The following FER variants were observed in gnomAD, a reference collection of about 807,000 sequenced individuals.
The protein encoded by FER is FER tyrosine kinase, also known as tyrosine-protein kinase Fer.
In FER, 63 loss-of-function variants were observed where a neutral mutation model predicts 111.0. The ratio of observed to expected loss-of-function variants is 0.57; its 90% CI spans 0.46 to 0.70. The LOEUF (loss-of-function observed/expected upper bound fraction) is 0.70. Ranked by LOEUF, FER falls within the 30% of genes least tolerant of loss-of-function variation. The pLI is 0.00. For synonymous variants in FER, 327 were observed against 313.9 expected (o/e 1.04, Z -0.44); for missense variants, 914 against 954.0 (o/e 0.96, Z 0.55).
intron 1 of FER, among the ~76,000 whole-genome samples, chr5:108,760,834 A>T (rs185295830): frequency 3.9e-4 from 59 of 152,236 alleles, no homozygotes; most frequent in African/African-American, 1.4e-3. Flanking sequence ...TTGCGTGTTC[A>T]CTGGAGGAGC....
At chr5:108,886,187 T>A (rs965519337) in intron 9 of FER, among the ~76,000 whole-genome samples, 2 of 151,744 alleles carry the variant, frequency 1.3e-5, no homozygotes, top group South Asian at 2.1e-4. Context: ...GTTATGAGAT[T>A]ATTTGAATTT....
chr5:108,901,875 G>T (rs552676335), intron 10 of FER, among the ~76,000 whole-genome samples: 172 of 152,274 alleles, frequency 1.1e-3, no homozygotes, highest in African/African-American at 3.8e-3. Flanking sequence ...TGTTTAAGGT[G>T]TGTAGTTTGA....
intron 17 of FER, 48 bp downstream of exon 17, chr5:109,100,567 C>G (rs1748101594): frequency 6.5e-7 from 1 of 1,537,798 alleles, no homozygotes; most frequent in South Asian, 1.2e-5. Flanking sequence ...TAATAGAATG[C>G]TGGAAAACTG....
chr5:108,775,404 C>A, intron 2 of FER, among the ~76,000 whole-genome samples: 1 of 152,178 alleles, frequency 6.6e-6, no homozygotes, highest in African/African-American at 2.4e-5. Context: ...TTACGATTAT[C>A]TGTCACATGA....
In FER at chr5:108,833,656, C is replaced by T. The variant is rs1047242893; in HGVS notation, c.381+713C>T. Among the ~76,000 whole-genome samples, 3 of 152,050 alleles carry T rather than the reference C, an allele frequency of 2.0e-5. No homozygotes were observed. In the South Asian group the frequency reaches 6.2e-4, roughly 32 times the overall value. On this transcript the variant is annotated intron_variant, in intron 4 of 19. Transcript: ENST00000281092. ...TTGGGAGGCCGAGGAAGGCGGATCA[C>T]GAGGTCAGGAGATCAAGACCATCCT...
chr5:108,813,186 A>G (rs904080911), intron 3 of FER, among the ~76,000 whole-genome samples: 1 of 152,132 alleles, frequency 6.6e-6, no homozygotes. Flanking sequence ...TTTTACATGT[A>G]TAAGATTCCT....
At chr5:108,804,389 T>G (rs539285824) in intron 3 of FER, among the ~76,000 whole-genome samples, 1 of 152,232 alleles carries the variant, frequency 6.6e-6, no homozygotes, top group South Asian at 2.1e-4. Context: ...GTGGTGAGAG[T>G]GTGCATCCTT....
intron 13 of FER, among the ~76,000 whole-genome samples, chr5:108,965,170 T>A (rs1759640768): frequency 6.6e-6 from 1 of 152,160 alleles, no homozygotes; most frequent in South Asian, 2.1e-4. Context: ...CAAAATGTTC[T>A]TTTTAGGAAA....
chr5:108,786,022 T>C (rs914370476), intron 2 of FER, among the ~76,000 whole-genome samples: 1 of 152,222 alleles, frequency 6.6e-6, no homozygotes, highest in African/African-American at 2.4e-5. Flanking sequence ...AGCTGGGTTT[T>C]CCTTCTAATT....
Position 109,085,011 on chromosome 5 carries a change from C to T in FER, c.1925-15385C>T, listed in dbSNP as rs528761667. 2.0e-5 allele frequency among the ~76,000 whole-genome samples: 3 copies of T among 151,934 alleles called. No homozygotes were observed. In the South Asian group the frequency reaches 6.2e-4, roughly 31 times the overall value. ...GTAGTAATTCTTAAAATTGGATAGT[C>T]AAACTCCTCACAGTTTGTTCTTCTG... On this transcript the variant is annotated intron_variant, in intron 16 of 19. Transcript: ENST00000281092.
At chr5:108,917,934 A>G (rs191675873) in intron 10 of FER, among the ~76,000 whole-genome samples, 31 of 152,240 alleles carry the variant, frequency 2.0e-4, no homozygotes, top group African/African-American at 7.2e-4. Flanking sequence ...GTGTTCATTT[A>G]CTCATTTATT....
intron 16 of FER, among the ~76,000 whole-genome samples, chr5:109,064,713 G>A (rs1774868695): frequency 6.6e-6 from 1 of 152,154 alleles, no homozygotes; most frequent in African/African-American, 2.4e-5. Context: ...TGGTGAGCAG[G>A]ACAAAGCATG....
At chr5:109,187,321 C>A in intron 19 of FER, 112 bp from the exon 20 acceptor site, 2 of 1,093,760 alleles carry the variant, frequency 1.8e-6, no homozygotes, top group Non-Finnish European at 2.6e-6. Flanking sequence ...GTTTTGTTTC[C>A]ATATAACTAC....
chr5:108,832,728 C>A, intron 3 of FER, 42 bp from the exon 4 acceptor site: 5 of 1,392,976 alleles, frequency 3.6e-6, no homozygotes, highest in East Asian at 2.5e-5. Flanking sequence ...TAAATGGAAA[C>A]CTTTAATGCA....
chr5:108,822,728 AT>A (rs1293444484), intron 3 of FER, among the ~76,000 whole-genome samples: 1 of 135,186 alleles, frequency 7.4e-6, no homozygotes, highest in African/African-American at 2.9e-5. Flanking sequence ...ATTTTATTTT[AT>A]TTTATTTTAT....
Position 108,992,087 on chromosome 5 carries a change from C to T in FER, c.1656+32740C>T, listed in dbSNP as rs372383386. ...GGGAGTGGTGATGACTCTTAACGAG[C>T]ATGCTGCCTTCAAGCATCTGTTTAA... On this transcript the variant is annotated intron_variant, in intron 13 of 19. Transcript: ENST00000281092. 5.0e-3 allele frequency among the ~76,000 whole-genome samples: 754 copies of T among 152,100 alleles called. 7 individuals carry two copies. Among genetic ancestry groups the T allele is most frequent in the South Asian group, 0.011 (52 of 4,810 alleles).
At position 108,819,879 on chromosome 5, in the gene FER, AAGAT is replaced by A. The variant is rs562691887; in HGVS notation, c.208-12885_208-12882del. On this transcript the variant is annotated intron_variant, in intron 3 of 19. Coordinates refer to ENST00000281092, the MANE Select transcript of FER (RefSeq NM_005246.4). ...GAAGTCTATTTGAGGAGTTTGAAAAAAGATAGATAAGGCAGTAGATGAAAAGGTT... is the reference window on the plus strand; with the variant it reads ...GAAGTCTATTTGAGGAGTTTGAAAAAAGATAAGGCAGTAGATGAAAAGGTT... 8.4e-3 allele frequency: 8,293 copies of A among 985,428 alleles called. 45 individuals carry two copies. Among genetic ancestry groups the A allele is most frequent in the Non-Finnish European group, 9.1e-3 (7,572 of 829,918 alleles). The allele number at this position is 985,428 out of a possible 1,614,324, so 61.0% of individuals were successfully genotyped here. A position where few individuals can be genotyped will look rare whatever the true frequency, so the allele number is the denominator to read the frequency against.
intron 2 of FER, chr5:108,785,398 C>T (rs1261724790): frequency 1.0e-5 from 6 of 588,372 alleles, no homozygotes; most frequent in Admixed American, 9.4e-5. Context: ...GGGTAAATAT[C>T]ATCGTAGATG....
chr5:108,814,847 A>G (rs1397300088), intron 3 of FER, among the ~76,000 whole-genome samples: 2 of 152,086 alleles, frequency 1.3e-5, no homozygotes, highest in Admixed American at 6.5e-5. Context: ...TCCTGAGGGC[A>G]TGTTTCTTGT....
Sources: gnomAD v4.1 joint callset for allele counts (sites outside exome capture counted in the v4.1 genomes callset) on GRCh38, gnomAD v4.1.1 for gene constraint, MANE v1.5 for transcripts, NCBI Gene and HGNC (gene_info 2026-07-23, HGNC 2026-07-21) for gene names.